PTPRD: variants seen among roughly 807,000 people sequenced by gnomAD.
PTPRD encodes the protein receptor-type tyrosine-protein phosphatase delta.
PTPRD carries 34 observed loss-of-function variants against 214.5 expected under a neutral mutation model. That is an observed-to-expected ratio of 0.16 (90% CI 0.12 to 0.21). The LOEUF (loss-of-function observed/expected upper bound fraction) is 0.21. PTPRD is among the 10% of genes least tolerant of loss of function. The probability of loss-of-function intolerance (pLI) is 1.00; values close to 1 mark genes in which losing one functional copy is unlikely to be tolerated. For missense variants in PTPRD, 2,545 were observed against 2,398.7 expected, an observed-to-expected ratio of 1.06 and a Z score of -1.27; for synonymous variants, 1,128 against 845.7, an observed-to-expected ratio of 1.33 and a Z score of -5.79.
chr9:9,342,309 G>A lies in PTPRD; in HGVS notation c.-203+55140C>T, dbSNP rs541716234. On this transcript the variant is annotated intron_variant, in intron 9 of 45. Transcript: ENST00000381196. The stretch of plus-strand genomic sequence containing the variant: ...TTCCCTGGGTCCCTGACTATTTTAT[G>A]CCACTTTACTTGAATTTTAAAAAGA... 2.6e-5 allele frequency among the ~76,000 whole-genome samples: 4 copies of A among 152,158 alleles called. No homozygotes were observed. The South Asian group carries it at 8.3e-4, about 32-fold the overall frequency.
chr9:9,324,615 C>A (rs1968797155), intron 9 of PTPRD, among the ~76,000 whole-genome samples: 1 of 152,134 alleles, frequency 6.6e-6, no homozygotes, highest in Non-Finnish European at 1.5e-5. Context: ...AGGTAGATTG[C>A]AAAAGTTTTC....
At chr9:9,139,748 G>A (rs1303211711) in intron 10 of PTPRD, among the ~76,000 whole-genome samples, 3 of 152,152 alleles carry the variant, frequency 2.0e-5, no homozygotes, top group African/African-American at 7.2e-5. Flanking sequence ...TTCAGACCAT[G>A]GTTGACCACA....
intron 11 of PTPRD, among the ~76,000 whole-genome samples, chr9:8,979,178 A>C (rs1209119288): frequency 6.6e-6 from 1 of 152,202 alleles, no homozygotes; most frequent in East Asian, 1.9e-4. Context: ...TTTCAAATTT[A>C]GATAATTTTA....
intron 3 of PTPRD, among the ~76,000 whole-genome samples, chr9:10,060,675 T>C (rs1661048): frequency 0.2 from 29,692 of 148,640 alleles, 7,655 homozygotes; most frequent in African/African-American, 0.61. Context: ...ATTTAATTTA[T>C]CTTATGTTTT....
chr9:9,575,753 A>C (rs2088423754), intron 7 of PTPRD, among the ~76,000 whole-genome samples: 1 of 135,534 alleles, frequency 7.4e-6, no homozygotes, highest in South Asian at 2.2e-4. Context: ...AAAAGAAAGA[A>C]AGAAAAAGAA....
At chr9:9,163,447 A>G (rs762515569) in intron 10 of PTPRD, among the ~76,000 whole-genome samples, 3 of 151,632 alleles carry the variant, frequency 2.0e-5, no homozygotes, top group Non-Finnish European at 4.4e-5. Context: ...TCATCAAGTA[A>G]TTTAGTTTCT....
intron 3 of PTPRD, among the ~76,000 whole-genome samples, chr9:10,184,929 T>C (rs996828046): frequency 3.3e-5 from 5 of 152,194 alleles, no homozygotes; most frequent in African/African-American, 1.2e-4. Flanking sequence ...AAAGCACATG[T>C]AATAAAGGTC....
chr9:8,522,517 T>C (rs1055199245), intron 19 of PTPRD, among the ~76,000 whole-genome samples: 2 of 152,172 alleles, frequency 1.3e-5, no homozygotes, highest in African/African-American at 4.8e-5. Flanking sequence ...CAACAAAATC[T>C]TTTAAAAGGC....
intron 5 of PTPRD, among the ~76,000 whole-genome samples, chr9:9,852,260 G>C (rs1159295839): frequency 6.6e-6 from 1 of 152,058 alleles, no homozygotes; most frequent in African/African-American, 2.4e-5. Context: ...TTAGGGAAGA[G>C]ATGATGAGAG....
intron 10 of PTPRD, among the ~76,000 whole-genome samples, chr9:9,154,902 A>G (rs1569555413): frequency 6.6e-6 from 1 of 152,194 alleles, no homozygotes; most frequent in Non-Finnish European, 1.5e-5. Flanking sequence ...TTAATTTGCT[A>G]TAGTTGAATG....
At chr9:9,339,577 A>T (rs1235735423) in intron 9 of PTPRD, among the ~76,000 whole-genome samples, 1 of 152,212 alleles carries the variant, frequency 6.6e-6, no homozygotes, top group Non-Finnish European at 1.5e-5. Context: ...CCTAACTCAC[A>T]GTTGTTACAT....
At chr9:8,831,648 C>T (rs1291671084) in intron 11 of PTPRD, among the ~76,000 whole-genome samples, 2 of 152,070 alleles carry the variant, frequency 1.3e-5, no homozygotes, top group Middle Eastern at 3.2e-3. Flanking sequence ...CTGAATGAAA[C>T]ATATCATCTT....
chr9:8,418,603 C>G (rs138128677), intron 35 of PTPRD, among the ~76,000 whole-genome samples: 1 of 147,500 alleles, frequency 6.8e-6, no homozygotes, highest in Non-Finnish European at 1.5e-5. Context: ...CATTTCTTGT[C>G]TCAATTTCTG....
chr9:10,140,800 A>G (rs1379865600), intron 3 of PTPRD, among the ~76,000 whole-genome samples: 2 of 151,942 alleles, frequency 1.3e-5, no homozygotes, highest in African/African-American at 4.8e-5. Flanking sequence ...CAACCAAAAA[A>G]GAGAATTTTA....
chr9:10,087,539 A>G (rs1365749656), intron 3 of PTPRD, among the ~76,000 whole-genome samples: 1 of 151,668 alleles, frequency 6.6e-6, no homozygotes, highest in Non-Finnish European at 1.5e-5. Context: ...GTTCTCAGGC[A>G]GAGTGGGACC....
chr9:9,541,476 T>A (rs572858855), intron 8 of PTPRD, among the ~76,000 whole-genome samples: 1 of 151,648 alleles, frequency 6.6e-6, no homozygotes, highest in Non-Finnish European at 1.5e-5. Context: ...TCAACAAATA[T>A]CATGTAGAGC....
intron 2 of PTPRD, among the ~76,000 whole-genome samples, chr9:10,581,479 G>A (rs781502367): frequency 6.6e-6 from 1 of 152,152 alleles, no homozygotes; most frequent in African/African-American, 2.4e-5. Context: ...GGGCAGTTAA[G>A]AAAGCAAACA....
intron 8 of PTPRD, among the ~76,000 whole-genome samples, chr9:9,400,917 A>T (rs2070149447): frequency 6.6e-6 from 1 of 152,094 alleles, no homozygotes; most frequent in African/African-American, 2.4e-5. Flanking sequence ...TTTAATTCTT[A>T]TAAAGGGTGT....
At chr9:9,145,303 A>G (rs1212735166) in intron 10 of PTPRD, among the ~76,000 whole-genome samples, 1 of 152,200 alleles carries the variant, frequency 6.6e-6, no homozygotes, top group Non-Finnish European at 1.5e-5. Context: ...TACTAGAAAG[A>G]TCAGTATTTC....
Sources: gnomAD v4.1 joint callset for allele counts (sites outside exome capture counted in the v4.1 genomes callset) on GRCh38, gnomAD v4.1.1 for gene constraint, MANE v1.5 for transcripts, NCBI Gene and HGNC (gene_info 2026-07-23, HGNC 2026-07-21) for gene names.